RAPGEF6: variants seen among roughly 807,000 people sequenced by gnomAD.
RAPGEF6 encodes the protein Rap guanine nucleotide exchange factor 6, also known as PDZ domain containing guanine nucleotide exchange factor (GEF) 2.
RAPGEF6 carries 56 observed loss-of-function variants against 171.4 expected under a neutral mutation model. That is an observed-to-expected ratio of 0.33 (90% CI 0.26 to 0.41). The LOEUF (loss-of-function observed/expected upper bound fraction) is 0.41. Among genes scored for constraint, RAPGEF6 ranks in the 10% least tolerant of loss-of-function variants. The pLI is 1.00. For synonymous variants in RAPGEF6, 692 were observed against 650.1 expected (o/e 1.06, Z -0.98); for missense variants, 1,674 against 1,921.4 (o/e 0.87, Z 2.41).
intron 4 of RAPGEF6, among the ~76,000 whole-genome samples, chr5:131,586,773 T>A (rs1166020817): frequency 6.6e-6 from 1 of 152,226 alleles, no homozygotes; most frequent in Non-Finnish European, 1.5e-5. Context: ...AAGTGTTGGT[T>A]AGAATGTGGA....
chr5:131,459,895 A>AT (rs1383234070), intron 19 of RAPGEF6, among the ~76,000 whole-genome samples: 2 of 152,194 alleles, frequency 1.3e-5, no homozygotes, highest in Admixed American at 6.5e-5. Flanking sequence ...TATCTTTAAA[A>AT]TTTTTTCCAT....
chr5:131,470,724 T>C (rs777043714), intron 17 of RAPGEF6, among the ~76,000 whole-genome samples: 2 of 151,946 alleles, frequency 1.3e-5, no homozygotes, highest in East Asian at 3.8e-4. Context: ...TAGCAAACAA[T>C]AGGAGAGACT....
At chr5:131,455,291 C>G (rs1010209589) in intron 20 of RAPGEF6, among the ~76,000 whole-genome samples, 1 of 152,202 alleles carries the variant, frequency 6.6e-6, no homozygotes, top group African/African-American at 2.4e-5. Context: ...CAGAGTCTCG[C>G]TCTGTCGCCC....
rs533399375 is a variant in RAPGEF6 at position 131,629,208 on chromosome 5, G to A, written c.69+5754C>T. On this transcript the variant is annotated intron_variant, in intron 1 of 27. Coordinates refer to ENST00000509018, the MANE Select transcript of RAPGEF6 (RefSeq NM_016340.6). Reference sequence around the variant, plus strand: ...TTAAAACCATCTGTGGGCCAGGCATGGTGACTCACGCCTGTAATCCCAACA... The same window carrying A: ...TTAAAACCATCTGTGGGCCAGGCATAGTGACTCACGCCTGTAATCCCAACA... 3.9e-5 allele frequency among the ~76,000 whole-genome samples: 6 copies of A among 152,266 alleles called. No individual in the cohort carries two copies. In the South Asian group the frequency reaches 1.0e-3, roughly 26 times the overall value.
intron 7 of RAPGEF6, among the ~76,000 whole-genome samples, chr5:131,519,051 G>A (rs762963562): frequency 1.8e-4 from 27 of 152,056 alleles, no homozygotes; most frequent in African/African-American, 3.1e-4. Context: ...GACTGCAAAG[G>A]GTCATATGGA....
chr5:131,604,507 T>C (rs1447241131), intron 2 of RAPGEF6, 116 bp downstream of exon 2: 3 of 1,156,730 alleles, frequency 2.6e-6, no homozygotes, highest in East Asian at 2.7e-5. Flanking sequence ...TAATCTATAA[T>C]GCATATACCA....
chr5:131,530,515 G>A (rs957296924), intron 6 of RAPGEF6, among the ~76,000 whole-genome samples: 3 of 152,088 alleles, frequency 2.0e-5, no homozygotes, highest in Admixed American at 6.5e-5. Context: ...AAAATGTACT[G>A]GAAAATGAAA....
At position 131,632,075 on chromosome 5, in the gene RAPGEF6, C is replaced by CAAA. The variant is rs529399752; in HGVS notation, c.69+2884_69+2886dup. Among the ~76,000 whole-genome samples, 302 of 63,670 alleles carry CAAA rather than the reference C, an allele frequency of 4.7e-3. 1 individual carries two copies. The highest frequency in any genetic ancestry group is 0.015 in the African/African-American group (285 of 19,248). 41.8% of individuals were successfully genotyped at this position (63,670 alleles called of 152,430 possible). A position where few individuals can be genotyped will look rare whatever the true frequency, so the allele number is the denominator to read the frequency against. The stretch of plus-strand genomic sequence containing the variant: ...TGGGTGACAGAGCAAGACTCTGTCT[C>CAAA]AAAAAAAAAAAAAAAAAAAAAGGTT... On this transcript the variant is annotated intron_variant, in intron 1 of 27. Coordinates refer to ENST00000509018, the MANE Select transcript of RAPGEF6 (RefSeq NM_016340.6).
chr5:131,494,359 A>G (rs73786688), intron 13 of RAPGEF6, among the ~76,000 whole-genome samples: 4,028 of 152,330 alleles, frequency 0.026, 187 homozygotes, highest in African/African-American at 0.091. Context: ...GAATTCACGA[A>G]CAGCTACTGT....
intron 24 of RAPGEF6, chr5:131,436,052 CAT>C: frequency 6.5e-7 from 1 of 1,537,478 alleles, no homozygotes. Flanking sequence ...CTCCCTTTCT[CAT>C]CTTTGATGTT....
At chr5:131,598,636 G>C (rs185491825) in intron 3 of RAPGEF6, among the ~76,000 whole-genome samples, 91 of 152,262 alleles carry the variant, frequency 6.0e-4, no homozygotes, top group Non-Finnish European at 1.2e-3. Context: ...GCAAGAACAT[G>C]ATAAAACATC....
At chr5:131,625,966 C>T (rs1765902433) in intron 1 of RAPGEF6, among the ~76,000 whole-genome samples, 1 of 152,164 alleles carries the variant, frequency 6.6e-6, no homozygotes, top group African/African-American at 2.4e-5. Flanking sequence ...TAGTCTGCTC[C>T]TCCCCACTCA....
intron 16 of RAPGEF6, among the ~76,000 whole-genome samples, chr5:131,476,545 C>T (rs1159049641): frequency 2.6e-5 from 4 of 152,156 alleles, no homozygotes. Flanking sequence ...CCACAACCTC[C>T]ATCTCCCTGG....
chr5:131,629,332 T>G (rs1766146439), intron 1 of RAPGEF6, among the ~76,000 whole-genome samples: 1 of 151,116 alleles, frequency 6.6e-6, no homozygotes, highest in Admixed American at 6.6e-5. Context: ...AAAAAAATTG[T>G]GAAGCATGGG....
chr5:131,464,475 T>A, intron 17 of RAPGEF6, 194 bp from the exon 18 acceptor site: 1 of 521,204 alleles, frequency 1.9e-6, no homozygotes, highest in Non-Finnish European at 3.3e-6. Context: ...AAATCATTGA[T>A]AGAAAAACCC....
chr5:131,557,689 C>T lies in RAPGEF6; in HGVS notation c.351+4289G>A, dbSNP rs142669623. Among the ~76,000 whole-genome samples the T allele has an allele frequency of 5.1e-3, 778 of 152,234 alleles. 4 individuals are homozygous for T. The highest frequency in any genetic ancestry group is 0.017 in the African/African-American group (713 of 41,554). On this transcript the variant is annotated intron_variant, in intron 5 of 27. Coordinates refer to ENST00000509018, the MANE Select transcript of RAPGEF6 (RefSeq NM_016340.6). ...CAATTAGGTTATAAAAGTTTCATTCCCTTCCTAGCTTGCTAAAAGCTTTTA... is the reference window on the plus strand; with the variant it reads ...CAATTAGGTTATAAAAGTTTCATTCTCTTCCTAGCTTGCTAAAAGCTTTTA...
rs1763548795 is a variant in RAPGEF6 at position 131,590,892 on chromosome 5, ATCAATCCAGCATAT to A, written c.281+1477_281+1490del. ...ATCTTAAAATATAACCATAGGCAAT[ATCAATCCAGCATAT>A]TCAGTTCTCAGGGACTAACAATACA... On this transcript the variant is annotated intron_variant, in intron 4 of 27. Transcript: ENST00000509018. 3.9e-5 allele frequency among the ~76,000 whole-genome samples: 6 copies of A among 152,342 alleles called. No homozygotes were observed. In the South Asian group the frequency reaches 1.2e-3, roughly 32 times the overall value.
chr5:131,617,569 C>T (rs1677872858), intron 1 of RAPGEF6, among the ~76,000 whole-genome samples: 1 of 152,164 alleles, frequency 6.6e-6, no homozygotes. Flanking sequence ...TCTCCTGCCT[C>T]AGCCTCTTGA....
chr5:131,592,488 T>C (rs927347275), intron 3 of RAPGEF6, 22 bp from the exon 4 acceptor site: 1 of 1,607,018 alleles, frequency 6.2e-7, no homozygotes, highest in Admixed American at 1.7e-5. Context: ...AATAAGTAAA[T>C]AAATGAGCAA....
Sources: allele counts gnomAD v4.1 joint callset (sites outside exome capture counted in the v4.1 genomes callset), GRCh38; gene constraint gnomAD v4.1.1; transcripts MANE v1.5; gene names NCBI Gene and HGNC (gene_info 2026-07-23, HGNC 2026-07-21).